Variants in ARHGAP15 observed in about 807,000 individuals in gnomAD.
The protein encoded by ARHGAP15 is rho GTPase-activating protein 15.
Under a neutral mutation model 63.7 loss-of-function variants are expected in ARHGAP15, and 51 were observed. The ratio of observed to expected loss-of-function variants is 0.80; its 90% CI spans 0.64 to 1.01. ARHGAP15 has a LOEUF of 1.01. Ranked by LOEUF, ARHGAP15 falls within the 50% of genes least tolerant of loss-of-function variation. The probability of loss-of-function intolerance (pLI) is 0.00; values close to 1 mark genes in which losing one functional copy is unlikely to be tolerated. For missense variants in ARHGAP15, 560 were observed against 564.6 expected (o/e 0.99, Z 0.08); for synonymous variants, 191 against 193.8 (o/e 0.99, Z 0.12).
In ARHGAP15 at chr2:143,168,594, A is replaced by G. The variant is rs181887474; in HGVS notation, c.165+12939A>G. 1.8e-4 allele frequency among the ~76,000 whole-genome samples: 27 copies of G among 149,976 alleles called. 1 individual carries two copies. The highest frequency in any genetic ancestry group is 3.3e-4 in the Non-Finnish European group (22 of 66,588). ...GTGGAAAAGGTGTTCTCTTGTCATC[A>G]AGTTTTAAATACTCTGTTTATTCTG... On this transcript the variant is annotated intron_variant, in intron 2 of 13. Transcript: ENST00000295095.
intron 12 of ARHGAP15, among the ~76,000 whole-genome samples, chr2:143,632,110 A>G (rs1253956292): frequency 1.3e-5 from 2 of 152,106 alleles, no homozygotes; most frequent in Non-Finnish European, 2.9e-5. Flanking sequence ...AAATCAGGGT[A>G]TGTGAGCTGG....
intron 13 of ARHGAP15, among the ~76,000 whole-genome samples, chr2:143,720,107 T>C (rs1200893669): frequency 6.6e-6 from 1 of 152,100 alleles, no homozygotes; most frequent in Non-Finnish European, 1.5e-5. Flanking sequence ...GGCCTGCAGT[T>C]AGTTGTATGT....
At chr2:143,331,386 G>C (rs1029560146) in intron 6 of ARHGAP15, among the ~76,000 whole-genome samples, 1 of 151,980 alleles carries the variant, frequency 6.6e-6, no homozygotes, top group Non-Finnish European at 1.5e-5. Context: ...CTTTATGCTG[G>C]TACTTAACTA....
intron 6 of ARHGAP15, among the ~76,000 whole-genome samples, 181 bp downstream of exon 6, chr2:143,250,781 G>A (rs1383398959): frequency 1.3e-5 from 2 of 151,890 alleles, no homozygotes; most frequent in African/African-American, 2.4e-5. Context: ...TTTTTCTGGC[G>A]ACTGGTTGCT....
chr2:143,400,078 G>A (rs1470471323), intron 6 of ARHGAP15, among the ~76,000 whole-genome samples: 1 of 151,878 alleles, frequency 6.6e-6, no homozygotes, highest in Non-Finnish European at 1.5e-5. Context: ...AGCTCCATTA[G>A]TATCATCATT....
intron 12 of ARHGAP15, among the ~76,000 whole-genome samples, chr2:143,637,472 G>T (rs1680378104): frequency 6.6e-6 from 1 of 151,858 alleles, no homozygotes; most frequent in Admixed American, 6.6e-5. Context: ...TTTAAGTTTT[G>T]CATATTCAAA....
At chr2:143,618,998 A>G in intron 11 of ARHGAP15, among the ~76,000 whole-genome samples, 1 of 150,078 alleles carries the variant, frequency 6.7e-6, no homozygotes, top group African/African-American at 2.5e-5. Context: ...ACTTTTTGTT[A>G]TTTTTTTTTT....
At chr2:143,652,113 A>C (rs1230442997) in intron 12 of ARHGAP15, among the ~76,000 whole-genome samples, 1 of 152,012 alleles carries the variant, frequency 6.6e-6, no homozygotes, top group Non-Finnish European at 1.5e-5. Flanking sequence ...TTATTAGTGT[A>C]ATTTTGATAT....
intron 4 of ARHGAP15, among the ~76,000 whole-genome samples, chr2:143,224,018 G>C (rs567732972): frequency 6.6e-4 from 100 of 152,282 alleles, no homozygotes; most frequent in Non-Finnish European, 1.2e-3. Context: ...TCAGCCCTTA[G>C]AATTGTGTTT....
intron 11 of ARHGAP15, among the ~76,000 whole-genome samples, chr2:143,572,796 C>T (rs1380612798): frequency 6.6e-6 from 1 of 152,152 alleles, no homozygotes; most frequent in Non-Finnish European, 1.5e-5. Flanking sequence ...ACTACTCTCA[C>T]TGCTAATCTA....
At chr2:143,295,809 CTA>C (rs908695205) in intron 6 of ARHGAP15, 1 of 151,938 alleles carries the variant, frequency 6.6e-6, no homozygotes, top group Non-Finnish European at 1.5e-5. Context: ...GCCTGGCACT[CTA>C]TGATTTGTTG....
intron 10 of ARHGAP15, among the ~76,000 whole-genome samples, chr2:143,523,041 A>G (rs570099756): frequency 2.4e-4 from 36 of 152,202 alleles, no homozygotes; most frequent in Non-Finnish European, 4.3e-4. Flanking sequence ...TATGCAAAGC[A>G]TGTAATTGAC....
intron 9 of ARHGAP15, among the ~76,000 whole-genome samples, chr2:143,507,548 T>G (rs1381547404): frequency 6.6e-6 from 1 of 152,210 alleles, no homozygotes; most frequent in Admixed American, 6.5e-5. Flanking sequence ...CTCAGACTAT[T>G]GGACATTAAA....
intron 1 of ARHGAP15, among the ~76,000 whole-genome samples, chr2:143,138,269 G>A (rs1689224781): frequency 1.3e-5 from 2 of 152,022 alleles, no homozygotes; most frequent in African/African-American, 4.8e-5. Flanking sequence ...AGATAAGGAA[G>A]CTAAGGTTAA....
chr2:143,169,342 T>C (rs539235511), intron 2 of ARHGAP15, among the ~76,000 whole-genome samples: 1 of 152,054 alleles, frequency 6.6e-6, no homozygotes, highest in South Asian at 2.1e-4. Flanking sequence ...CTTCATGGGG[T>C]GTTTTTACCT....
At position 143,187,812 on chromosome 2, in the gene ARHGAP15, A is replaced by G. The variant is rs539478585; in HGVS notation, c.166-14322A>G. Among the ~76,000 whole-genome samples, 15 of 152,320 alleles carry G rather than the reference A, an allele frequency of 9.8e-5. No individual in the cohort carries two copies. In the South Asian group the frequency reaches 2.1e-3, roughly 21 times the overall value. On this transcript the variant is annotated intron_variant, in intron 2 of 13. Transcript: ENST00000295095. ...ATGGGTGAGAGCTCTCATTTATCCA[A>G]TTAGGTGGGAGAATAGCCTGGTCCC...
chr2:143,717,707 AT>A (rs1296160071), intron 13 of ARHGAP15, among the ~76,000 whole-genome samples: 2 of 152,142 alleles, frequency 1.3e-5, no homozygotes, highest in Non-Finnish European at 2.9e-5. Context: ...ATTTAGTTAA[AT>A]CGTATTGGCT....
rs920216400 is a variant in ARHGAP15 at position 143,566,250 on chromosome 2, G to A, written c.1003+9765G>A. Among the ~76,000 whole-genome samples the A allele has an allele frequency of 3.3e-5, 5 of 152,190 alleles. 1 individual carries two copies. Among genetic ancestry groups the A allele is most frequent in the Non-Finnish European group, 5.9e-5 (4 of 68,030 alleles). ...GTATGGACCCACTGGAGAGGTGGTG[G>A]AAGATAGCCTTATCTGCTTCTTGCT... On this transcript the variant is annotated intron_variant, in intron 11 of 13. Transcript: ENST00000295095.
intron 6 of ARHGAP15, among the ~76,000 whole-genome samples, chr2:143,278,296 C>CA (rs1681666527): frequency 6.6e-6 from 1 of 152,078 alleles, no homozygotes; most frequent in South Asian, 2.1e-4. Context: ...TCTTGAAGAT[C>CA]AAAAAATGCT....
Sources: allele counts gnomAD v4.1 joint callset (sites outside exome capture counted in the v4.1 genomes callset), GRCh38; gene constraint gnomAD v4.1.1; transcripts MANE v1.5; gene names NCBI Gene and HGNC (gene_info 2026-07-23, HGNC 2026-07-21).